Variants in CHRNA5 observed in about 807,000 individuals in gnomAD.
The protein encoded by CHRNA5 is neuronal acetylcholine receptor subunit alpha-5.
In CHRNA5, 28 loss-of-function variants were observed where a neutral mutation model predicts 41.2. That is an observed-to-expected ratio of 0.68 (90% CI 0.50 to 0.93). CHRNA5 has a LOEUF of 0.93. Among genes scored for constraint, CHRNA5 ranks in the 40% least tolerant of loss-of-function variants. The pLI is 0.00. For synonymous variants in CHRNA5, 188 were observed against 205.8 expected (o/e 0.91, Z 0.74); for missense variants, 481 against 581.9 (o/e 0.83, Z 1.78).
chr15:78,574,070 C>T (rs920937465), intron 1 of CHRNA5, among the ~76,000 whole-genome samples: 1 of 149,272 alleles, frequency 6.7e-6, no homozygotes, highest in Non-Finnish European at 1.5e-5. Context: ...ACCTCGGCCT[C>T]CCAAAGTGCT....
intron 1 of CHRNA5, among the ~76,000 whole-genome samples, chr15:78,571,171 G>T (rs1017721954): frequency 6.6e-6 from 1 of 152,186 alleles, no homozygotes; most frequent in Non-Finnish European, 1.5e-5. Context: ...AAGTAGCAAG[G>T]TTGTAGAAAA....
chr15:78,584,639 A>G (rs1596061908), intron 2 of CHRNA5, among the ~76,000 whole-genome samples: 1 of 152,234 alleles, frequency 6.6e-6, no homozygotes, highest in Non-Finnish European at 1.5e-5. Flanking sequence ...TGGGAGCCCA[A>G]TTTATGTGTG....
Position 78,589,979 on chromosome 15 carries a change from A to G in CHRNA5, c.588A>G (p.Ser196=), listed in dbSNP as rs748320614. 4 of 1,614,164 alleles carry G rather than the reference A, an allele frequency of 2.5e-6. No individual in the cohort carries two copies. In the South Asian group the frequency reaches 4.4e-5, roughly 18 times the overall value. The change falls in exon 5 of 6, where the codon TCA becomes TCG. Residue 196 remains serine, a synonymous_variant. Transcript: ENST00000299565. Reference sequence around the variant, plus strand: ...TTGGTTCTTGGACTTATGATGGATCACAGGTTGATATAATTCTAGAGGACC... The same window carrying G: ...TTGGTTCTTGGACTTATGATGGATCGCAGGTTGATATAATTCTAGAGGACC...
At chr15:78,577,172 G>A (rs939756982) in intron 1 of CHRNA5, among the ~76,000 whole-genome samples, 2 of 152,208 alleles carry the variant, frequency 1.3e-5, no homozygotes, top group African/African-American at 4.8e-5. Context: ...AGGGTGATGA[G>A]AGCATGAAGC....
exon 6 of CHRNA5, chr15:78,593,389 G>T: frequency 1.3e-6 from 1 of 762,316 alleles, no homozygotes; most frequent in South Asian, 2.7e-5. Flanking sequence ...CTCAATTTAT[G>T]TTAACAGATG....
intron 2 of CHRNA5, among the ~76,000 whole-genome samples, chr15:78,581,319 A>G (rs1347273679): frequency 6.6e-6 from 1 of 152,224 alleles, no homozygotes; most frequent in Non-Finnish European, 1.5e-5. Context: ...AAAAAGTCCA[A>G]AAATAGAGTG....
intron 1 of CHRNA5, among the ~76,000 whole-genome samples, chr15:78,573,694 TGTTG>T (rs2052827844): frequency 6.6e-6 from 1 of 152,186 alleles, no homozygotes; most frequent in Non-Finnish European, 1.5e-5. Flanking sequence ...TTGCTGAACA[TGTTG>T]GTTGACTTTT....
exon 5 of CHRNA5, chr15:78,590,287 T>C (rs200010345): frequency 8.7e-6 from 14 of 1,613,914 alleles, no homozygotes; most frequent in African/African-American, 2.7e-5. Flanking sequence ...CTTCTGGTTA[T>C]TGAAGAGATC....
chr15:78,573,202 A>G (rs953273698), intron 1 of CHRNA5, among the ~76,000 whole-genome samples: 1 of 152,182 alleles, frequency 6.6e-6, no homozygotes, highest in Non-Finnish European at 1.5e-5. Flanking sequence ...GCCGCTAAAC[A>G]TACAGGGCAC....
At chr15:78,583,395 A>T (rs1262800462) in intron 2 of CHRNA5, among the ~76,000 whole-genome samples, 2 of 152,176 alleles carry the variant, frequency 1.3e-5, no homozygotes, top group East Asian at 1.9e-4. Context: ...AGAGTAACAC[A>T]TTTGAAAAAT....
At chr15:78,593,534 T>G (rs2141427823) in exon 6 of CHRNA5, 1 of 220,454 alleles carries the variant, frequency 4.5e-6, no homozygotes, top group Admixed American at 5.4e-5. Context: ...ATAATACTAA[T>G]TTATAATCCA....
rs201230605 is a variant in CHRNA5, at chr15:78,565,523, T to C, written c.-197T>C. ...GGGCTAGGCGCCGGGAGCTTCCACATGCGTCCCGAGCCCGCCAGAAGCTGC... is the reference window on the plus strand; with the variant it reads ...GGGCTAGGCGCCGGGAGCTTCCACACGCGTCCCGAGCCCGCCAGAAGCTGC... On this transcript the variant is annotated 5_prime_UTR_variant, in exon 1 of 6. An upstream start codon of the reference 5' UTR is lost. Coordinates refer to ENST00000299565, the Ensembl canonical transcript of CHRNA5. 9.8e-6 allele frequency: 2 copies of C among 203,798 alleles called. No homozygotes were observed. Among genetic ancestry groups the C allele is most frequent in the African/African-American group, 2.4e-5 (1 of 42,516 alleles). 12.6% of individuals were successfully genotyped at this position (203,798 alleles called of 1,614,324 possible). A position where few individuals can be genotyped will look rare whatever the true frequency, so the allele number is the denominator to read the frequency against.
At chr15:78,569,020 T>C (rs1198836324) in intron 1 of CHRNA5, among the ~76,000 whole-genome samples, 7 of 152,230 alleles carry the variant, frequency 4.6e-5, no homozygotes, top group Non-Finnish European at 1.0e-4. Context: ...TGACTGTCAG[T>C]TTTACTTTTG....
At chr15:78,577,541 T>C (rs1465719194) in intron 1 of CHRNA5, among the ~76,000 whole-genome samples, 1 of 152,216 alleles carries the variant, frequency 6.6e-6, no homozygotes, top group East Asian at 1.9e-4. Flanking sequence ...ATTACTATTT[T>C]ATTTATACCC....
chr15:78,583,108 C>G (rs983462914), intron 2 of CHRNA5, among the ~76,000 whole-genome samples: 1 of 152,074 alleles, frequency 6.6e-6, no homozygotes, highest in Non-Finnish European at 1.5e-5. Context: ...ATCTTCAAAG[C>G]TGGGTGAACT....
chr15:78,591,655 CTT>C (rs539401509), intron 5 of CHRNA5, among the ~76,000 whole-genome samples: 1,736 of 152,212 alleles, frequency 0.011, 20 homozygotes, highest in Middle Eastern at 0.058. Context: ...ATTTTTAAAA[CTT>C]TTTTTCATAT....
Position 78,588,191 on chromosome 15 carries a change from G to C in CHRNA5, c.304-123G>C. 2.0e-6 allele frequency: 1 copy of C among 501,282 alleles called. No homozygotes were observed. The highest frequency in any genetic ancestry group is 3.6e-6 in the Non-Finnish European group (1 of 280,544). The allele number at this position is 501,282 out of a possible 1,614,324, so 31.1% of individuals were successfully genotyped here. On this transcript the variant is annotated intron_variant, in intron 3 of 5. Coordinates refer to ENST00000299565, the Ensembl canonical transcript of CHRNA5. The surrounding 1 kb of genome is among the most constrained non-coding windows in gnomAD (Gnocchi z 4.1). Reference sequence around the variant, plus strand: ...CCCATAATAAGAAAGACAGGGAGGTGTTCTCTATTGGGGGTAGAGATGATC... The same window carrying C: ...CCCATAATAAGAAAGACAGGGAGGTCTTCTCTATTGGGGGTAGAGATGATC...
At chr15:78,572,553 G>A (rs757144350) in intron 1 of CHRNA5, among the ~76,000 whole-genome samples, 2 of 151,844 alleles carry the variant, frequency 1.3e-5, no homozygotes, top group African/African-American at 2.4e-5. Flanking sequence ...GCGTGATCTC[G>A]GCTCACTGCA....
rs71148540 is a variant in CHRNA5 at position 78,570,424 on chromosome 15, ATTTTT to A, written c.106+4620_106+4624del. Among the ~76,000 whole-genome samples, 37 of 64,172 alleles carry A rather than the reference ATTTTT, an allele frequency of 5.8e-4. 3 individuals carry two copies. The highest frequency in any genetic ancestry group is 5.5e-3 in the South Asian group (8 of 1,454). 42.1% of individuals were successfully genotyped at this position (64,172 alleles called of 152,430 possible). On this transcript the variant is annotated intron_variant, in intron 1 of 5. Coordinates refer to ENST00000299565, the Ensembl canonical transcript of CHRNA5. ...CAGGCATGTGCCACCAATCCCGGCT[ATTTTT>A]TTTTTTTTTTTTTTTTTTTTAGTAA...
Sources: allele counts gnomAD v4.1 joint callset (sites outside exome capture counted in the v4.1 genomes callset), GRCh38; gene constraint gnomAD v4.1.1; non-coding constraint Gnocchi (gnomAD v3.1); transcripts MANE v1.5; gene names NCBI Gene and HGNC (gene_info 2026-07-23, HGNC 2026-07-21).